The following USH2A variants were observed in gnomAD, a reference collection of about 807,000 sequenced individuals.
USH2A encodes Usher syndrome 2A (autosomal recessive, mild).
USH2A carries 443 observed loss-of-function variants against 538.9 expected under a neutral mutation model. That is an observed-to-expected ratio of 0.82 (90% CI 0.76 to 0.89). USH2A has a LOEUF of 0.89. Among genes scored for constraint, USH2A ranks in the 40% least tolerant of loss-of-function variants. The probability of loss-of-function intolerance (pLI) is 0.00; values close to 1 mark genes in which losing one functional copy is unlikely to be tolerated. For missense variants in USH2A, 6,633 were observed against 6,324.8 expected, an observed-to-expected ratio of 1.05 and a Z score of -1.65; for synonymous variants, 2,413 against 2,273.5, an observed-to-expected ratio of 1.06 and a Z score of -1.75.
At chr1:216,135,983 A>C (rs1029462777) in intron 21 of USH2A, among the ~76,000 whole-genome samples, 17 of 152,040 alleles carry the variant, frequency 1.1e-4, no homozygotes, top group African/African-American at 4.1e-4. Flanking sequence ...CATCTTAAGT[A>C]TTTTATGTGA....
intron 11 of USH2A, among the ~76,000 whole-genome samples, chr1:216,259,072 C>T (rs960712988): frequency 1.3e-5 from 2 of 152,064 alleles, no homozygotes; most frequent in African/African-American, 2.4e-5. Flanking sequence ...AAACCTCATG[C>T]CATCCTTCAA....
chr1:215,970,222 G>A (rs923855720), intron 36 of USH2A, among the ~76,000 whole-genome samples: 1 of 152,118 alleles, frequency 6.6e-6, no homozygotes, highest in African/African-American at 2.4e-5. Flanking sequence ...TTTTTGGGGA[G>A]CAGTGTTGCC....
intron 38 of USH2A, among the ~76,000 whole-genome samples, chr1:215,923,439 G>T (rs1325265570): frequency 6.6e-6 from 1 of 152,048 alleles, no homozygotes; most frequent in Non-Finnish European, 1.5e-5. Flanking sequence ...AGCAAATTGA[G>T]CCGAATCCCA....
At chr1:216,405,400 T>A (rs4443953) in intron 3 of USH2A, among the ~76,000 whole-genome samples, 117,113 of 152,084 alleles carry the variant, frequency 0.77, 45,546 homozygotes, top group African/African-American at 0.88. Context: ...ATCACCGAAT[T>A]GGACATATGA....
At chr1:215,883,142 A>T (rs946182724) in intron 41 of USH2A, among the ~76,000 whole-genome samples, 1 of 152,138 alleles carries the variant, frequency 6.6e-6, no homozygotes, top group Non-Finnish European at 1.5e-5. Context: ...GTGAGGTATG[A>T]ATGAAAAATT....
intron 48 of USH2A, 123 bp from the exon 49 acceptor site, chr1:215,814,027 A>G: frequency 8.9e-7 from 1 of 1,118,562 alleles, no homozygotes. Context: ...TATTACTCAT[A>G]TTTCGTTGGT....
intron 61 of USH2A, among the ~76,000 whole-genome samples, chr1:215,683,844 C>T (rs1658325527): frequency 6.6e-6 from 1 of 152,116 alleles, no homozygotes; most frequent in African/African-American, 2.4e-5. Flanking sequence ...TTTCACTCTT[C>T]CTAATGATTT....
intron 4 of USH2A, among the ~76,000 whole-genome samples, chr1:216,349,904 C>T (rs1005378437): frequency 2.6e-5 from 4 of 152,076 alleles, no homozygotes; most frequent in African/African-American, 7.2e-5. Context: ...TCTATTCTTG[C>T]TTTGCTATAA....
chr1:215,910,826 C>T (rs775553460), intron 38 of USH2A, among the ~76,000 whole-genome samples: 4 of 151,816 alleles, frequency 2.6e-5, no homozygotes, highest in Admixed American at 6.6e-5. Flanking sequence ...TATTGCTTCT[C>T]TCTGTAATTT....
intron 26 of USH2A, among the ~76,000 whole-genome samples, chr1:216,078,614 C>T (rs142811153): frequency 7.9e-5 from 12 of 152,110 alleles, no homozygotes; most frequent in Middle Eastern, 6.8e-3. Context: ...GGATGTGATG[C>T]GATGTTATGT....
intron 37 of USH2A, among the ~76,000 whole-genome samples, chr1:215,937,209 GAC>G (rs1666524649): frequency 6.6e-6 from 1 of 152,102 alleles, no homozygotes; most frequent in Non-Finnish European, 1.5e-5. Flanking sequence ...GGCAGATAAA[GAC>G]ATATTCATAG....
intron 11 of USH2A, among the ~76,000 whole-genome samples, chr1:216,264,495 G>C (rs914668115): frequency 6.6e-6 from 1 of 151,932 alleles, no homozygotes; most frequent in African/African-American, 2.4e-5. Context: ...ACAGTCTTTC[G>C]CCATGTTGGT....
chr1:216,389,155 TAA>T (rs2039055666), intron 3 of USH2A, among the ~76,000 whole-genome samples: 2 of 152,194 alleles, frequency 1.3e-5, no homozygotes, highest in South Asian at 2.1e-4. Context: ...CTATAAATGC[TAA>T]GTTTTCCCAC....
rs1336965582 is a variant in USH2A at position 215,680,005 on chromosome 1, A to G, written c.12294+144T>C. 5.0e-6 allele frequency: 4 copies of G among 802,580 alleles called. No homozygotes were observed. The African/African-American group carries it at 6.8e-5, about 14-fold the overall frequency. The allele number at this position is 802,580 out of a possible 1,614,324, so 49.7% of individuals were successfully genotyped here. On this transcript the variant is annotated intron_variant, in intron 62 of 71. Transcript: ENST00000307340. ...CATCTAAGCTAGGTTTCTGTGATCT[A>G]TGATTAAGTGCCTGGAGGAGCTATC...
intron 58 of USH2A, among the ~76,000 whole-genome samples, chr1:215,750,551 C>A (rs1466833941): frequency 1.3e-5 from 2 of 152,226 alleles, no homozygotes; most frequent in Non-Finnish European, 2.9e-5. Context: ...ACTGGGTCGA[C>A]TGATCCTGAA....
At chr1:216,421,401 T>C (rs2039674166) in intron 2 of USH2A, among the ~76,000 whole-genome samples, 1 of 152,140 alleles carries the variant, frequency 6.6e-6, no homozygotes, top group Non-Finnish European at 1.5e-5. Context: ...GAAACGAGGA[T>C]GAAGAAAACA....
At chr1:216,388,896 A>G (rs907190270) in intron 3 of USH2A, among the ~76,000 whole-genome samples, 1 of 152,228 alleles carries the variant, frequency 6.6e-6, no homozygotes, top group African/African-American at 2.4e-5. Flanking sequence ...TGTTCTTCAA[A>G]CAGTTAACAG....
At position 216,078,228 on chromosome 1, in the gene USH2A, G is replaced by C. The variant is rs576132012; in HGVS notation, c.5433C>G (p.Phe1811Leu). 1.2e-6 allele frequency: 2 copies of C among 1,613,880 alleles called. No homozygotes were observed. Among genetic ancestry groups the C allele is most frequent in the African/African-American group, 2.7e-5 (2 of 75,024 alleles). The change falls in exon 27 of 72, where the codon TTC becomes TTG. Residue 1811 changes from phenylalanine (F) to leucine (L), a missense_variant. Phe to Leu is a conservative substitution (Grantham distance 22). Coordinates refer to ENST00000307340, the MANE Select transcript of USH2A (RefSeq NM_206933.4). ...TCAGTCCATTCACACTTGCTGATAT[G>C]AAAGAGCCTTCCTTTTTAATAATGA... ...NKVIIKKEGS[F>L]ISASVNGLMK... is the part of the protein sequence containing the mutation.
chr1:215,751,521 G>A (rs1660621778), intron 58 of USH2A, among the ~76,000 whole-genome samples: 1 of 152,066 alleles, frequency 6.6e-6, no homozygotes, highest in Admixed American at 6.5e-5. Context: ...TACCTTCAGA[G>A]TTTAAATAAT....
Sources: allele counts gnomAD v4.1 joint callset (sites outside exome capture counted in the v4.1 genomes callset), GRCh38; gene constraint gnomAD v4.1.1; transcripts MANE v1.5; gene names NCBI Gene and HGNC (gene_info 2026-07-23, HGNC 2026-07-21).